Variants in GALNT16 observed in about 807,000 individuals in gnomAD.
The protein encoded by GALNT16 is UDP-GalNAc:polypeptide N-acetylgalactosaminyltransferase-like protein 1.
In GALNT16, 40 loss-of-function variants were observed where a neutral mutation model predicts 76.1. The ratio of observed to expected loss-of-function variants is 0.53; its 90% CI spans 0.41 to 0.68. GALNT16 has a LOEUF of 0.68. GALNT16 is among the 30% of genes least tolerant of loss of function. The pLI, the probability that GALNT16 is intolerant of heterozygous loss-of-function variation, is 0.00. For missense variants in GALNT16, 621 were observed against 731.9 expected (o/e 0.85, Z 1.75); for synonymous variants, 276 against 285.2 (o/e 0.97, Z 0.32).
At chr14:69,384,476 G>A in the GALNT16 span, among the ~76,000 whole-genome samples, 11 of 152,082 alleles carry the variant, frequency 7.2e-5, no homozygotes, top group African/African-American at 2.7e-4. Flanking sequence ...CTTAACCACA[G>A]CCTCCCAAGA....
intron 1 of GALNT16, among the ~76,000 whole-genome samples, chr14:69,301,285 C>T (rs1007777689): frequency 9.2e-5 from 14 of 152,226 alleles, no homozygotes; most frequent in African/African-American, 3.4e-4. Flanking sequence ...TGTGCGATCA[C>T]TCTTCCCTAC....
the GALNT16 span, among the ~76,000 whole-genome samples, chr14:69,382,210 G>C: frequency 0.047 from 7,103 of 152,128 alleles, 215 homozygotes; most frequent in South Asian, 0.11. Flanking sequence ...TGAACAGTAA[G>C]GTCACAATCT....
chr14:69,322,419 C>A (rs376553801), intron 2 of GALNT16, among the ~76,000 whole-genome samples: 111 of 152,344 alleles, frequency 7.3e-4, no homozygotes, highest in Middle Eastern at 3.4e-3. Flanking sequence ...TGAGGGCTTG[C>A]CCTGGATAAT....
chr14:69,312,107 C>A (rs61980322), intron 1 of GALNT16, among the ~76,000 whole-genome samples: 5 of 146,306 alleles, frequency 3.4e-5, no homozygotes, highest in East Asian at 2.0e-4. Context: ...CTATCTATAT[C>A]TATCTATCTG....
chr14:69,287,219 GC>G (rs1172428083), intron 1 of GALNT16, among the ~76,000 whole-genome samples: 1 of 152,138 alleles, frequency 6.6e-6, no homozygotes, highest in African/African-American at 2.4e-5. Flanking sequence ...TTGTACAATT[GC>G]CATTGACATC....
intron 7 of GALNT16, 84 bp downstream of exon 7, chr14:69,331,635 C>CT: frequency 1.2e-6 from 1 of 800,082 alleles, no homozygotes; most frequent in East Asian, 2.4e-5. Context: ...GCTTGCTGCT[C>CT]TTTCCAGCTG....
At chr14:69,363,458 C>G in the GALNT16 span, among the ~76,000 whole-genome samples, 1 of 152,178 alleles carries the variant, frequency 6.6e-6, no homozygotes. Context: ...CTTGAACTTT[C>G]TGAAACTCGG....
rs1353232380 is a variant in GALNT16, at chr14:69,354,038, G to A, written c.*1870G>A. 1.3e-5 allele frequency: 2 copies of A among 152,456 alleles called. No individual in the cohort carries two copies. The highest frequency in any genetic ancestry group is 2.4e-5 in the African/African-American group (1 of 41,452). The allele number at this position is 152,456 out of a possible 1,614,324, so 9.4% of individuals were successfully genotyped here. A position where few individuals can be genotyped will look rare whatever the true frequency, so the allele number is the denominator to read the frequency against. ...CCAGCGCAGGCCCCTTCGCTCCCAGGGCCATGCTTTGCCTGTCCTCTGTCG... is the reference window on the plus strand; with the variant it reads ...CCAGCGCAGGCCCCTTCGCTCCCAGAGCCATGCTTTGCCTGTCCTCTGTCG... On this transcript the variant is annotated 3_prime_UTR_variant, in exon 15 of 15. Transcript: ENST00000448469.
intron 1 of GALNT16, among the ~76,000 whole-genome samples, chr14:69,286,633 A>G (rs1280419867): frequency 6.6e-6 from 1 of 152,014 alleles, no homozygotes; most frequent in East Asian, 1.9e-4. Flanking sequence ...CATTTTACAC[A>G]CACATAACTC....
chr14:69,342,167 G>T (rs375337836), intron 12 of GALNT16, among the ~76,000 whole-genome samples: 1 of 151,976 alleles, frequency 6.6e-6, no homozygotes, highest in Non-Finnish European at 1.5e-5. Context: ...ATGAGAAACC[G>T]CCAGGCACAG....
In GALNT16 at chr14:69,352,353, G is replaced by C. The variant is rs184747959; in HGVS notation, c.*185G>C. 2.5e-4 allele frequency: 154 copies of C among 608,452 alleles called. No individual in the cohort carries two copies. The African/African-American group carries it at 2.6e-3, about 10-fold the overall frequency. 37.7% of individuals were successfully genotyped at this position (608,452 alleles called of 1,614,324 possible). On this transcript the variant is annotated 3_prime_UTR_variant, in exon 15 of 15. Transcript: ENST00000448469. ...AGGAGGGCGCAGGCGGGCACGCCCC[G>C]ATGCCCTCAGTGCTGTCCTGGCCTT...
At chr14:69,363,887 A>G in the GALNT16 span, among the ~76,000 whole-genome samples, 1 of 152,214 alleles carries the variant, frequency 6.6e-6, no homozygotes, top group Non-Finnish European at 1.5e-5. Flanking sequence ...ATCCAAGGGC[A>G]AGAATGCCAG....
At chr14:69,380,481 C>G in the GALNT16 span, 1 of 958,738 alleles carries the variant, frequency 1.0e-6, no homozygotes, top group South Asian at 1.3e-5. Flanking sequence ...CACTACAGCA[C>G]GCTGTACACA....
At chr14:69,346,823 G>A (rs948481240) in intron 12 of GALNT16, among the ~76,000 whole-genome samples, 10 of 152,138 alleles carry the variant, frequency 6.6e-5, no homozygotes, top group African/African-American at 2.4e-4. Context: ...AGGGCAGAGG[G>A]TCCCAGAGCC....
intron 10 of GALNT16, 56 bp downstream of exon 10, chr14:69,338,833 C>T: frequency 7.0e-7 from 1 of 1,425,178 alleles, no homozygotes. Flanking sequence ...GGCCCAAGCC[C>T]CCAGCCTTGC....
intron 1 of GALNT16, 66 bp downstream of exon 1, chr14:69,260,533 G>A (rs893324313): frequency 8.7e-7 from 1 of 1,151,174 alleles, no homozygotes; most frequent in Non-Finnish European, 1.1e-6. Context: ...ACCCTGCGCG[G>A]CGGCCGAGGG....
rs376771424 is a variant in GALNT16, at chr14:69,333,181, G to C, written c.863+12G>C. The C allele has an allele frequency of 6.4e-7, 1 of 1,564,900 alleles. No individual in the cohort carries two copies. Among genetic ancestry groups the C allele is most frequent in the East Asian group, 2.2e-5 (1 of 44,658 alleles). Reference sequence around the variant, plus strand: ...ACCAGGCCCATAAGGTCAGAGCTGCGGTGGGCTCTGGGGGACCCCTTCCTT... The same window carrying C: ...ACCAGGCCCATAAGGTCAGAGCTGCCGTGGGCTCTGGGGGACCCCTTCCTT... On this transcript the variant is annotated intron_variant, in intron 8 of 14. Coordinates refer to ENST00000448469, the MANE Select transcript of GALNT16 (RefSeq NM_001168368.2). This position sits in a 1 kb window ranked among gnomAD's most constrained non-coding sequence, Gnocchi z 4.2.
At chr14:69,331,384 C>A (rs1313426382) in intron 6 of GALNT16, 80 bp from the exon 7 acceptor site, 4 of 796,864 alleles carry the variant, frequency 5.0e-6, no homozygotes, top group Non-Finnish European at 8.9e-6. Context: ...CTCAGAGAGG[C>A]CTTCTCCCCA....
In GALNT16 at chr14:69,347,065, G is replaced by A. The variant is rs745405910; in HGVS notation, c.1297G>A (p.Gly433Ser). Residue 433 changes from glycine (G) to serine (S), a missense_variant, in exon 13 of 15, where the codon GGC becomes AGC. Gly to Ser is a moderately conservative substitution (Grantham distance 56). Coordinates refer to ENST00000448469, the MANE Select transcript of GALNT16 (RefSeq NM_001168368.2). ...GGTCCCCGTGAAGGAAGCACTCCCC[G>A]GCATCATTAAGCAGGGGGTGAACTG... ...LTVPVKEALP[G>S]IIKQGVNCLE... 18 of 1,613,998 alleles carry A rather than the reference G, an allele frequency of 1.1e-5. No individual in the cohort carries two copies. The East Asian group carries it at 1.3e-4, about 12-fold the overall frequency.
Sources: allele counts gnomAD v4.1 joint callset (sites outside exome capture counted in the v4.1 genomes callset), GRCh38; gene constraint gnomAD v4.1.1; non-coding constraint Gnocchi (gnomAD v3.1); transcripts MANE v1.5; gene names NCBI Gene and HGNC (gene_info 2026-07-23, HGNC 2026-07-21).